The following RIPK1 variants were observed in gnomAD, a reference collection of about 807,000 sequenced individuals.
RIPK1 encodes receptor-interacting serine/threonine-protein kinase 1.
Under a neutral mutation model 62.4 loss-of-function variants are expected in RIPK1, and 27 were observed. That is an observed-to-expected ratio of 0.43 (90% confidence interval 0.32 to 0.60). The LOEUF (loss-of-function observed/expected upper bound fraction) is 0.60, where lower values mean the gene tolerates loss of function less well. RIPK1 is among the 20% of genes least tolerant of loss of function. The probability of loss-of-function intolerance (pLI) is 0.07; values close to 1 mark genes in which losing one functional copy is unlikely to be tolerated. For missense variants in RIPK1, 735 were observed against 831.0 expected (o/e 0.88, Z 1.42); for synonymous variants, 287 against 303.2 (o/e 0.95, Z 0.55).
intron 2 of RIPK1, 88 bp from the exon 3 acceptor site, chr6:3,077,691 C>A: frequency 1.4e-6 from 2 of 1,420,676 alleles, no homozygotes; most frequent in Admixed American, 1.9e-5. Context: ...ATGACCCCAG[C>A]ACGTGGGAGT....
At chr6:3,089,321 A>G (rs2113636390) in intron 6 of RIPK1, among the ~76,000 whole-genome samples, 1 of 152,344 alleles carries the variant, frequency 6.6e-6, no homozygotes, top group East Asian at 1.9e-4. Flanking sequence ...TGTTGCAGCC[A>G]GAGAAACTGC....
In RIPK1 at chr6:3,105,013, G is replaced by A. The variant is rs1219366241; in HGVS notation, c.1007-469G>A. On this transcript the variant is annotated intron_variant, in intron 8 of 10. Coordinates refer to ENST00000259808, the MANE Select transcript of RIPK1 (RefSeq NM_001354930.2). The surrounding 1 kb of genome is among the most constrained non-coding windows in gnomAD (Gnocchi z 4.5). ...ATTACAGGCATGCACCACCATGCCC[G>A]GCTAATTTTTGTATTTTCAGTAGAG... Among the ~76,000 whole-genome samples the A allele has an allele frequency of 2.6e-5, 4 of 151,980 alleles. No individual in the cohort carries two copies. Among genetic ancestry groups the A allele is most frequent in the Non-Finnish European group, 4.4e-5 (3 of 68,008 alleles).
upstream of RIPK1, among the ~76,000 whole-genome samples, chr6:3,066,931 T>C (rs9503384): frequency 0.12 from 17,941 of 152,184 alleles, 1,233 homozygotes; most frequent in African/African-American, 0.19. Context: ...CCGCTGATCT[T>C]TTTTACTATC....
At chr6:3,082,830 C>T (rs895858581) in intron 4 of RIPK1, among the ~76,000 whole-genome samples, 8 of 152,188 alleles carry the variant, frequency 5.3e-5, no homozygotes, top group Admixed American at 2.0e-4. Flanking sequence ...CTTTTCCCCT[C>T]CCCCTTACTG....
chr6:3,073,651 A>T (rs1758885237), intron 1 of RIPK1, among the ~76,000 whole-genome samples: 1 of 152,142 alleles, frequency 6.6e-6, no homozygotes, highest in Non-Finnish European at 1.5e-5. Flanking sequence ...AAGAAGGCCC[A>T]TAGGTGCTGC....
intron 7 of RIPK1, among the ~76,000 whole-genome samples, chr6:3,093,956 C>T (rs796174308): frequency 1.9e-5 from 2 of 102,762 alleles, no homozygotes; most frequent in Non-Finnish European, 3.7e-5. Flanking sequence ...AACCGCAGCG[C>T]GCCTACCTGC....
At chr6:3,085,224 G>A (rs373675381) in intron 5 of RIPK1, 35 bp from the exon 6 acceptor site, 2 of 1,612,418 alleles carry the variant, frequency 1.2e-6, no homozygotes, top group Admixed American at 1.7e-5. Context: ...GCCTGAGAGA[G>A]GAGCAAGACC....
rs749583809 is a variant in RIPK1 at position 3,081,088 on chromosome 6, T to C, written c.431T>C (p.Ile144Thr). Reference protein sequence around the residue: ...VIHKDLKPENILVDNDFHIKI... With the variant: ...VIHKDLKPENTLVDNDFHIKI... ...CACAAGGACCTGAAGCCTGAAAATA[T>C]CCTTGTTGATAATGACTTCCACATT... is the stretch of plus-strand genomic sequence containing the variant. The change falls in exon 4 of 11, where the codon ATC becomes ACC. Residue 144 changes from isoleucine to threonine, a missense_variant. Ile to Thr is a moderately conservative substitution (Grantham distance 89). Transcript: ENST00000259808. 1.9e-6 allele frequency: 3 copies of C among 1,614,116 alleles called. No individual in the cohort carries two copies. Among genetic ancestry groups the C allele is most frequent in the Non-Finnish European group, 2.5e-6 (3 of 1,179,994 alleles).
rs1200236399 is a variant in RIPK1, at chr6:3,105,481, G to A, written c.1007-1G>A. On this transcript the variant is annotated splice_acceptor_variant, in intron 8 of 10. Transcript: ENST00000259808. LOFTEE classifies it high-confidence loss of function. This position sits in a 1 kb window ranked among gnomAD's most constrained non-coding sequence, Gnocchi z 4.5. ...TTCTAATGTTGATCATTTCTTCTCA[G>A]CCACAGAACAGCCTGGTTCACTGCA... The A allele has an allele frequency of 6.5e-7, 1 of 1,527,036 alleles. No homozygotes were observed. The allele number at this position is 1,527,036 out of a possible 1,614,324, so 94.6% of individuals were successfully genotyped here. A position where few individuals can be genotyped will look rare whatever the true frequency, so the allele number is the denominator to read the frequency against.
rs996126706 is a variant in RIPK1 at position 3,072,952 on chromosome 6, G to A, written c.-60-3812G>A. Among the ~76,000 whole-genome samples, 1 of 152,056 alleles carries A rather than the reference G, an allele frequency of 6.6e-6. No individual in the cohort carries two copies. Among genetic ancestry groups the A allele is most frequent in the African/African-American group, 2.4e-5 (1 of 41,362 alleles). ...CATTCTCACTAGGATTGGTCAGTAG[G>A]GCCCTGCTGACAGAGTGATCCCAGC... On this transcript the variant is annotated intron_variant, in intron 1 of 10. Transcript: ENST00000259808. The surrounding 1 kb of genome is among the most constrained non-coding windows in gnomAD (Gnocchi z 5.6).
intron 7 of RIPK1, among the ~76,000 whole-genome samples, chr6:3,103,006 CTTT>C (rs1760667319): frequency 6.6e-6 from 1 of 152,210 alleles, no homozygotes; most frequent in Non-Finnish European, 1.5e-5. Flanking sequence ...CTTACCAACA[CTTT>C]TTATTTACCA....
At chr6:3,083,373 A>C in intron 5 of RIPK1, 60 bp downstream of exon 5, 3 of 1,401,166 alleles carry the variant, frequency 2.1e-6, no homozygotes, top group Non-Finnish European at 2.9e-6. Context: ...CTGTGCCTGG[A>C]ACTAATAGGT....
rs543807787 is a variant in RIPK1, at chr6:3,090,785, A to G, written c.915+1128A>G. ...GCGCACCTACCTGCCGCACCTAGTA[A>G]CCGCAGAGCGCCTACCTGCCGCACC... On this transcript the variant is annotated intron_variant, in intron 7 of 10. Transcript: ENST00000259808. Among the ~76,000 whole-genome samples the G allele has an allele frequency of 2.7e-5, 4 of 148,156 alleles. No individual in the cohort carries two copies. The South Asian group carries it at 8.4e-4, about 31-fold the overall frequency.
At chr6:3,087,759 TC>T (rs1759800128) in intron 6 of RIPK1, among the ~76,000 whole-genome samples, 1 of 148,550 alleles carries the variant, frequency 6.7e-6, no homozygotes, top group Admixed American at 6.8e-5. Flanking sequence ...CAGGATGGTC[TC>T]CATCTCCTGA....
chr6:3,087,104 A>AT (rs1185832385), intron 6 of RIPK1, among the ~76,000 whole-genome samples: 1 of 151,822 alleles, frequency 6.6e-6, no homozygotes, highest in African/African-American at 2.4e-5. Context: ...TCATTCTAAA[A>AT]TTTTTTTCCT....
chr6:3,085,420 T>A lies in RIPK1; in HGVS notation c.838+12T>A, dbSNP rs767614518. On this transcript the variant is annotated intron_variant, in intron 6 of 10. Coordinates refer to ENST00000259808, the MANE Select transcript of RIPK1 (RefSeq NM_001354930.2). The stretch of plus-strand genomic sequence containing the variant: ...GCCGACATTTCCTGGTAAGAGCATC[T>A]TTTCTGACTGTGTAGGATGCATCCT... 3.9e-5 allele frequency: 63 copies of A among 1,613,872 alleles called. No homozygotes were observed. The Admixed American group carries it at 4.8e-4, about 12-fold the overall frequency.
At chr6:3,107,728 C>T (rs895273488) in intron 9 of RIPK1, among the ~76,000 whole-genome samples, 2 of 152,058 alleles carry the variant, frequency 1.3e-5, no homozygotes, top group African/African-American at 4.8e-5. Flanking sequence ...TTTAATGTGT[C>T]ATTTTTTATC....
intron 9 of RIPK1, among the ~76,000 whole-genome samples, chr6:3,108,667 T>C (rs900671851): frequency 1.3e-5 from 2 of 152,138 alleles, no homozygotes; most frequent in Admixed American, 6.5e-5. Flanking sequence ...GTTATTATCA[T>C]TGTCAGCAAA....
intron 7 of RIPK1, among the ~76,000 whole-genome samples, chr6:3,094,012 GCAGCGCGCC>G: frequency 7.4e-6 from 1 of 134,866 alleles, no homozygotes; most frequent in Non-Finnish European, 1.5e-5. Flanking sequence ...CCTAGTAACT[GCAGCGCGCC>G]TACCTGCCGC....
Sources: allele counts gnomAD v4.1 joint callset (sites outside exome capture counted in the v4.1 genomes callset), GRCh38; gene constraint gnomAD v4.1.1; non-coding constraint Gnocchi (gnomAD v3.1); transcripts MANE v1.5; gene names NCBI Gene and HGNC (gene_info 2026-07-23, HGNC 2026-07-21).